AKAP1: variants seen among roughly 807,000 people sequenced by gnomAD.
The protein encoded by AKAP1 is A-kinase anchor protein 1, mitochondrial.
Under a neutral mutation model 79.8 loss-of-function variants are expected in AKAP1, and 32 were observed. That is an observed-to-expected ratio of 0.40 (90% confidence interval 0.30 to 0.54). AKAP1 has a LOEUF of 0.54. Among genes scored for constraint, AKAP1 ranks in the 20% least tolerant of loss-of-function variants. The pLI is 0.47. For synonymous variants in AKAP1, 416 were observed against 466.7 expected, an observed-to-expected ratio of 0.89 and a Z score of 1.40; for missense variants, 961 against 1,138.9, an observed-to-expected ratio of 0.84 and a Z score of 2.25.
At chr17:57,112,019 G>A in intron 4 of AKAP1, 95 bp downstream of exon 4, 1 of 1,489,832 alleles carries the variant, frequency 6.7e-7, no homozygotes, top group East Asian at 2.3e-5. Flanking sequence ...TTTGGAATAG[G>A]AAACCCTGCT....
chr17:57,109,826 G>A (rs1330479658), intron 2 of AKAP1, among the ~76,000 whole-genome samples, 199 bp from the exon 3 acceptor site: 1 of 152,192 alleles, frequency 6.6e-6, no homozygotes, highest in African/African-American at 2.4e-5. Flanking sequence ...GCTAAAATTA[G>A]GTGTATCGAC....
intron 1 of AKAP1, among the ~76,000 whole-genome samples, chr17:57,100,323 C>T (rs1017923513): frequency 1.3e-5 from 2 of 152,134 alleles, no homozygotes; most frequent in Admixed American, 6.5e-5. Flanking sequence ...CGGTGGCTCA[C>T]GCCTATAATC....
At chr17:57,117,292 C>T (rs1385326441) in intron 8 of AKAP1, among the ~76,000 whole-genome samples, 2 of 152,176 alleles carry the variant, frequency 1.3e-5, no homozygotes, top group Non-Finnish European at 2.9e-5. Context: ...CTCCATAGGG[C>T]ACAGTGGGGA....
rs762119553 is a variant in AKAP1 at position 57,114,531 on chromosome 17, C to T, written c.2176C>T (p.Gln726Ter). The stretch of plus-strand genomic sequence containing the variant: ...GGTCAATGCCGGGCACCTGTTCGTG[C>T]AGCAGCACACACACCCTACCTTCCA... ...NQVNAGHLFV[Q>*]QHTHPTFHAL... is the part of the protein sequence containing the mutation. The change falls in exon 6 of 11, where the codon CAG becomes TAG. Residue 726 changes from glutamine (Q) to a stop codon, truncating the protein, a stop_gained. Transcript: ENST00000337714. LOFTEE classifies it high-confidence loss of function. The T allele has an allele frequency of 1.9e-6, 3 of 1,614,220 alleles. No individual in the cohort carries two copies. The highest frequency in any genetic ancestry group is 2.2e-5 in the East Asian group (1 of 44,878).
intron 6 of AKAP1, among the ~76,000 whole-genome samples, chr17:57,115,179 T>G (rs1447050486): frequency 6.6e-6 from 1 of 152,050 alleles, no homozygotes; most frequent in Non-Finnish European, 1.5e-5. Context: ...CCTTTGTCAT[T>G]ATTATCTTTG....
At chr17:57,090,696 TA>T (rs1434060329) in intron 1 of AKAP1, among the ~76,000 whole-genome samples, 1 of 152,210 alleles carries the variant, frequency 6.6e-6, no homozygotes, top group East Asian at 1.9e-4. Context: ...GAAACTGAAG[TA>T]CAGGATCCTA....
intron 2 of AKAP1, chr17:57,108,008 T>G (rs1915001918): frequency 7.8e-7 from 1 of 1,286,854 alleles, no homozygotes; most frequent in Non-Finnish European, 1.0e-6. Context: ...GTTTTTCGAG[T>G]GCTGACCCCA....
intron 2 of AKAP1, among the ~76,000 whole-genome samples, chr17:57,107,731 G>A (rs970974984): frequency 2.6e-5 from 4 of 152,130 alleles, no homozygotes; most frequent in South Asian, 2.1e-4. Flanking sequence ...CTTCCCTTGA[G>A]TGCCAGGTAT....
intron 1 of AKAP1, among the ~76,000 whole-genome samples, chr17:57,102,380 A>G (rs1914570339): frequency 6.6e-6 from 1 of 152,128 alleles, no homozygotes; most frequent in Admixed American, 6.5e-5. Flanking sequence ...TTCTTGGCTC[A>G]TATAGCGCCT....
chr17:57,089,939 C>T (rs1039077622), intron 1 of AKAP1, among the ~76,000 whole-genome samples: 3 of 152,218 alleles, frequency 2.0e-5, no homozygotes, highest in Non-Finnish European at 4.4e-5. Flanking sequence ...TGTCCTTGGT[C>T]TCCAAATGTC....
intron 3 of AKAP1, among the ~76,000 whole-genome samples, chr17:57,110,690 A>G (rs2144743892): frequency 6.6e-6 from 1 of 152,356 alleles, no homozygotes; most frequent in East Asian, 1.9e-4. Flanking sequence ...GTTTTTAAAC[A>G]AAACTGAGAT....
At chr17:57,107,614 A>G (rs1047697365) in intron 2 of AKAP1, among the ~76,000 whole-genome samples, 1 of 152,028 alleles carries the variant, frequency 6.6e-6, no homozygotes, top group Non-Finnish European at 1.5e-5. Flanking sequence ...CTGGGTTTAT[A>G]GGTGTGAGTC....
rs1467518232 is a variant in AKAP1, at chr17:57,086,424, C to T, written c.-25+1026C>T. The T allele has an allele frequency of 2.2e-6, 1 of 456,484 alleles. No individual in the cohort carries two copies. The highest frequency in any genetic ancestry group is 4.4e-6 in the Non-Finnish European group (1 of 226,778). The allele number at this position is 456,484 out of a possible 1,614,324, so 28.3% of individuals were successfully genotyped here. On this transcript the variant is annotated intron_variant, in intron 1 of 10. Coordinates refer to ENST00000337714, the MANE Select transcript of AKAP1 (RefSeq NM_003488.4). This position sits in a 1 kb window ranked among gnomAD's most constrained non-coding sequence, Gnocchi z 5.1. ...ATCGTGGTAGGCGGTGCTGTGGCGA[C>T]TCGGAACGGCATGGGAGCCCTGGGC...
In AKAP1 at chr17:57,120,548, C is replaced by T; in HGVS notation, c.*224C>T. ...GGATAGTGTTTAACAAGCCAGCTGG[C>T]TTATGCTGGTTCTCAGCTGTTTAAA... On this transcript the variant is annotated 3_prime_UTR_variant, in exon 11 of 11. Transcript: ENST00000337714. The T allele has an allele frequency of 2.8e-6, 1 of 360,298 alleles. No individual in the cohort carries two copies. 22.3% of individuals were successfully genotyped at this position (360,298 alleles called of 1,614,324 possible). A position where few individuals can be genotyped will look rare whatever the true frequency, so the allele number is the denominator to read the frequency against.
Position 57,120,524 on chromosome 17 carries a change from G to T in AKAP1, c.*200G>T. 2.2e-6 allele frequency: 1 copy of T among 458,212 alleles called. No individual in the cohort carries two copies. 28.4% of individuals were successfully genotyped at this position (458,212 alleles called of 1,614,324 possible). A position where few individuals can be genotyped will look rare whatever the true frequency, so the allele number is the denominator to read the frequency against. On this transcript the variant is annotated 3_prime_UTR_variant, in exon 11 of 11. Coordinates refer to ENST00000337714, the MANE Select transcript of AKAP1 (RefSeq NM_003488.4). ...ATGGGTTCTCTTCGCAAAGCCAAAG[G>T]ATAGTGTTTAACAAGCCAGCTGGCT... is the stretch of plus-strand genomic sequence containing the variant.
Position 57,105,441 on chromosome 17 carries a change from G to T in AKAP1, c.-24G>T. 6.3e-7 allele frequency: 1 copy of T among 1,587,662 alleles called. No homozygotes were observed. The highest frequency in any genetic ancestry group is 8.6e-7 in the Non-Finnish European group (1 of 1,167,880). On this transcript the variant is annotated splice_region_variant and 5_prime_UTR_variant, in exon 2 of 11. Coordinates refer to ENST00000337714, the MANE Select transcript of AKAP1 (RefSeq NM_003488.4). ...CTCCCCGCTCTCCTGCTCTCCCCAG[G>T]TGTAATTACTTCAAGCCTCCAGGAT...
chr17:57,114,471 G>C lies in AKAP1; in HGVS notation c.2116G>C (p.Asp706His), dbSNP rs1282467147. ...LPMTSWLMLP[D>H]GITVEVIVVN... ...TTCCCCTCTACAGCTCATGCTGCCTGATGGCATCACCGTGGAGGTCATTGT... is the reference window on the plus strand; with the variant it reads ...TTCCCCTCTACAGCTCATGCTGCCTCATGGCATCACCGTGGAGGTCATTGT... Residue 706 changes from aspartate (D) to histidine (H), a missense_variant, in exon 6 of 11, where the codon GAT becomes CAT. This residue lies in a region of AKAP1 where 629 missense variants were observed against 781.1 expected (regional missense o/e 0.81). Transcript: ENST00000337714. 1.2e-6 allele frequency: 2 copies of C among 1,614,010 alleles called. No homozygotes were observed. The highest frequency in any genetic ancestry group is 4.5e-5 in the East Asian group (2 of 44,880).
intron 7 of AKAP1, 39 bp downstream of exon 7, chr17:57,116,300 G>T: frequency 6.2e-7 from 1 of 1,611,778 alleles, no homozygotes; most frequent in Non-Finnish European, 8.5e-7. Flanking sequence ...CGCCCTGCTT[G>T]TTCTGGGATG....
chr17:57,108,016 C>G, intron 2 of AKAP1: 1 of 1,280,692 alleles, frequency 7.8e-7, no homozygotes, highest in Non-Finnish European at 1.0e-6. Flanking sequence ...AGTGCTGACC[C>G]CAGCGTAGAC....
Sources: allele counts gnomAD v4.1 joint callset (sites outside exome capture counted in the v4.1 genomes callset), GRCh38; gene constraint gnomAD v4.1.1; regional missense constraint gnomAD v4.1.1; non-coding constraint Gnocchi (gnomAD v3.1); transcripts MANE v1.5; gene names NCBI Gene and HGNC (gene_info 2026-07-23, HGNC 2026-07-21).